CDH23: variants seen among roughly 807,000 people sequenced by gnomAD.
CDH23 encodes the protein cadherin related 23, also known as cadherin-23.
CDH23 carries 189 observed loss-of-function variants against 317.1 expected under a neutral mutation model. The ratio of observed to expected loss-of-function variants is 0.60; its 90% CI spans 0.53 to 0.67. The LOEUF (loss-of-function observed/expected upper bound fraction) is 0.67, where lower values mean the gene tolerates loss of function less well. Ranked by LOEUF, CDH23 falls within the 30% of genes least tolerant of loss-of-function variation. The probability of loss-of-function intolerance (pLI) is 0.00; values close to 1 mark genes in which losing one functional copy is unlikely to be tolerated. For synonymous variants in CDH23, 1,839 were observed against 1,876.8 expected, an observed-to-expected ratio of 0.98 and a Z score of 0.52; for missense variants, 4,401 against 4,592.4, an observed-to-expected ratio of 0.96 and a Z score of 1.20.
chr10:71,526,862 G>GA (rs1855067449), intron 6 of CDH23, among the ~76,000 whole-genome samples: 2 of 152,158 alleles, frequency 1.3e-5, no homozygotes, highest in African/African-American at 4.8e-5. Context: ...GCAGAGATGG[G>GA]ATGTGGACTC....
chr10:71,811,349 C>G lies in CDH23; in HGVS notation c.9112C>G (p.Leu3038Val). 6.2e-7 allele frequency: 1 copy of G among 1,613,920 alleles called. No individual in the cohort carries two copies. Among genetic ancestry groups the G allele is most frequent in the Non-Finnish European group, 8.5e-7 (1 of 1,179,874 alleles). Reference sequence around the variant, plus strand: ...GATGATCGATGAGAACAAGGAGCAGCTACGGAATCTTTTCCGGAACTACAA... The same window carrying G: ...GATGATCGATGAGAACAAGGAGCAGGTACGGAATCTTTTCCGGAACTACAA... Reference protein sequence around the residue: ...IQMIDENKEQLRNLFRNYNVL... With the variant: ...IQMIDENKEQVRNLFRNYNVL... Residue 3038 changes from leucine to valine, a missense_variant, in exon 63 of 70, where the codon CTA becomes GTA. Transcript: ENST00000224721.
intron 6 of CDH23, among the ~76,000 whole-genome samples, chr10:71,513,045 G>T (rs1854082073): frequency 6.6e-6 from 1 of 152,088 alleles, no homozygotes; most frequent in Non-Finnish European, 1.5e-5. Context: ...AAAAACAAAG[G>T]GCAGGTGGAT....
chr10:71,804,793 GT>G (rs768627295), intron 55 of CDH23, among the ~76,000 whole-genome samples: 3 of 152,020 alleles, frequency 2.0e-5, no homozygotes, highest in Non-Finnish European at 2.9e-5. Context: ...CTTTACTCTA[GT>G]TTTTTAACTT....
chr10:71,712,975 C>A, intron 28 of CDH23, 162 bp downstream of exon 28: 1 of 860,912 alleles, frequency 1.2e-6, no homozygotes, highest in Non-Finnish European at 1.9e-6. Context: ...GGGACCCAGG[C>A]CCTCTCCCAT....
intron 9 of CDH23, among the ~76,000 whole-genome samples, chr10:71,603,267 T>C (rs1024287893): frequency 1.3e-5 from 2 of 152,202 alleles, no homozygotes; most frequent in African/African-American, 4.8e-5. Context: ...TTTTCTTAAG[T>C]GTCTCTCCCA....
At position 71,802,881 on chromosome 10, in the gene CDH23, G is replaced by C. The variant is rs1318211630; in HGVS notation, c.7483-17G>C. On this transcript the variant is annotated splice_polypyrimidine_tract_variant and intron_variant, in intron 53 of 69. Transcript: ENST00000224721. ...CATCCTGCTCCTTACCTTTGGCCTTGACCTCCATCCACCCAGGTGGTGATC... is the reference window on the plus strand; with the variant it reads ...CATCCTGCTCCTTACCTTTGGCCTTCACCTCCATCCACCCAGGTGGTGATC... 6.2e-7 allele frequency: 1 copy of C among 1,613,820 alleles called. No individual in the cohort carries two copies. The highest frequency in any genetic ancestry group is 8.5e-7 in the Non-Finnish European group (1 of 1,179,812).
chr10:71,529,370 C>T (rs1274014053), intron 6 of CDH23, among the ~76,000 whole-genome samples: 2 of 152,150 alleles, frequency 1.3e-5, no homozygotes, highest in African/African-American at 2.4e-5. Flanking sequence ...TGGGGTCATG[C>T]ACGTAGTACC....
chr10:71,805,683 CG>C, intron 55 of CDH23, 122 bp from the exon 56 acceptor site: 1 of 962,844 alleles, frequency 1.0e-6, no homozygotes, highest in South Asian at 1.8e-5. Context: ...GCGCTCCTGG[CG>C]GGTGCTGTAA....
chr10:71,572,577 C>G (rs142516814), intron 8 of CDH23, among the ~76,000 whole-genome samples: 133 of 152,296 alleles, frequency 8.7e-4, no homozygotes, highest in African/African-American at 3.1e-3. Context: ...GACCAGCATA[C>G]TCACCATCCT....
At chr10:71,744,999 G>A (rs1350704336) in intron 38 of CDH23, among the ~76,000 whole-genome samples, 3 of 152,250 alleles carry the variant, frequency 2.0e-5, no homozygotes. Context: ...GGACACCTCA[G>A]TGAAGAATTG....
At chr10:71,414,224 T>C (rs1848448379) in intron 1 of CDH23, among the ~76,000 whole-genome samples, 1 of 152,226 alleles carries the variant, frequency 6.6e-6, no homozygotes, top group Admixed American at 6.5e-5. Context: ...CTATGTTAAA[T>C]GGAAATGGCA....
chr10:71,426,368 C>T (rs926002512), intron 1 of CDH23, among the ~76,000 whole-genome samples: 1 of 152,206 alleles, frequency 6.6e-6, no homozygotes, highest in African/African-American at 2.4e-5. Flanking sequence ...CTGGGGTCTT[C>T]CTTTCCATCC....
chr10:71,591,427 G>A (rs968425046), intron 9 of CDH23, among the ~76,000 whole-genome samples: 1 of 152,110 alleles, frequency 6.6e-6, no homozygotes, highest in Non-Finnish European at 1.5e-5. Context: ...CTGGGCTCGT[G>A]TCCCCACTGG....
At chr10:71,703,469 T>G (rs1410492781) in intron 24 of CDH23, among the ~76,000 whole-genome samples, 1 of 152,224 alleles carries the variant, frequency 6.6e-6, no homozygotes, top group East Asian at 1.9e-4. Context: ...AGTACCTGCC[T>G]GGCTGTGCTG....
intron 11 of CDH23, among the ~76,000 whole-genome samples, chr10:71,628,232 C>T (rs550670986): frequency 6.6e-6 from 1 of 152,342 alleles, no homozygotes; most frequent in South Asian, 2.1e-4. Flanking sequence ...CAGTGGGCCA[C>T]CAGGAACGCA....
chr10:71,591,727 C>T (rs2132447306), intron 9 of CDH23, among the ~76,000 whole-genome samples: 1 of 152,304 alleles, frequency 6.6e-6, no homozygotes, highest in South Asian at 2.1e-4. Flanking sequence ...AGTCACTTGA[C>T]TTGGGCCTTT....
At chr10:71,543,094 C>A (rs1053649747) in intron 6 of CDH23, among the ~76,000 whole-genome samples, 4 of 152,342 alleles carry the variant, frequency 2.6e-5, no homozygotes, top group South Asian at 2.1e-4. Context: ...AGCCCGAATG[C>A]ACAGACTTAT....
At chr10:71,655,586 CT>C in intron 14 of CDH23, among the ~76,000 whole-genome samples, 1 of 152,242 alleles carries the variant, frequency 6.6e-6, no homozygotes, top group South Asian at 2.1e-4. Context: ...GTTCCCACCC[CT>C]GTATGAGGGC....
chr10:71,773,088 C>T (rs1342344751), intron 38 of CDH23, among the ~76,000 whole-genome samples: 1 of 150,764 alleles, frequency 6.6e-6, no homozygotes, highest in Non-Finnish European at 1.5e-5. Context: ...CAGGGAAGGG[C>T]TGGACAGGCA....
Sources: allele counts gnomAD v4.1 joint callset (sites outside exome capture counted in the v4.1 genomes callset), GRCh38; gene constraint gnomAD v4.1.1; transcripts MANE v1.5; gene names NCBI Gene and HGNC (gene_info 2026-07-23, HGNC 2026-07-21).